SMYD3: variants seen among roughly 807,000 people sequenced by gnomAD.
SMYD3 encodes the protein SET and MYND domain containing 3, also known as histone-lysine N-methyltransferase SMYD3.
A neutral mutation model predicts 57.7 loss-of-function variants in SMYD3; 36 were observed. The ratio of observed to expected loss-of-function variants is 0.62; its 90% CI spans 0.48 to 0.82. The LOEUF (loss-of-function observed/expected upper bound fraction) is 0.82. SMYD3 is among the 40% of genes least tolerant of loss of function. The probability of loss-of-function intolerance (pLI) is 0.00; values close to 1 mark genes in which losing one functional copy is unlikely to be tolerated. For synonymous variants in SMYD3, 211 were observed against 195.0 expected (o/e 1.08, Z -0.68); for missense variants, 515 against 538.8 (o/e 0.96, Z 0.44).
chr1:246,097,908 A>C (rs1319714362), intron 5 of SMYD3, among the ~76,000 whole-genome samples: 1 of 152,182 alleles, frequency 6.6e-6, no homozygotes, highest in East Asian at 1.9e-4. Flanking sequence ...GTGGTGTCAG[A>C]AGTTTAGTTT....
chr1:246,121,291 C>G (rs1051876782), intron 5 of SMYD3, among the ~76,000 whole-genome samples: 5 of 151,950 alleles, frequency 3.3e-5, no homozygotes, highest in South Asian at 2.1e-4. Context: ...GAAGTTATTC[C>G]CTGTCTTGCA....
chr1:246,396,883 A>G (rs2066682859), intron 1 of SMYD3, among the ~76,000 whole-genome samples: 1 of 152,220 alleles, frequency 6.6e-6, no homozygotes, highest in African/African-American at 2.4e-5. Context: ...CCAGTCTCCC[A>G]TGTGTCTTTA....
chr1:246,494,912 C>G (rs1449035366), intron 1 of SMYD3, among the ~76,000 whole-genome samples: 3 of 152,096 alleles, frequency 2.0e-5, no homozygotes, highest in African/African-American at 7.2e-5. Flanking sequence ...ATATTATAAG[C>G]AGTTGGACTA....
chr1:246,464,091 T>A (rs1043148641), intron 1 of SMYD3, among the ~76,000 whole-genome samples: 2 of 152,108 alleles, frequency 1.3e-5, no homozygotes, highest in Admixed American at 6.6e-5. Context: ...GAAGAAGAGA[T>A]GGTACAGTAG....
intron 1 of SMYD3, among the ~76,000 whole-genome samples, chr1:246,446,901 T>C (rs768857540): frequency 1.3e-5 from 2 of 151,926 alleles, no homozygotes; most frequent in Non-Finnish European, 2.9e-5. Flanking sequence ...TGCTAGCACA[T>C]GCCTGTAATC....
At chr1:245,797,778 C>T (rs2047605895) in intron 10 of SMYD3, among the ~76,000 whole-genome samples, 1 of 143,540 alleles carries the variant, frequency 7.0e-6, no homozygotes, top group Admixed American at 7.2e-5. Context: ...CCCTACTGGC[C>T]GGTTTTCAAA....
intron 1 of SMYD3, among the ~76,000 whole-genome samples, chr1:246,451,467 T>C (rs546709583): frequency 2.0e-5 from 3 of 152,308 alleles, no homozygotes; most frequent in Admixed American, 1.3e-4. Flanking sequence ...GGATCAGTGA[T>C]GACCAGGAGC....
In SMYD3 at chr1:246,351,969, C is replaced by G. The variant is rs566806520; in HGVS notation, c.228+3062G>C. On this transcript the variant is annotated intron_variant, in intron 2 of 11. Coordinates refer to ENST00000490107, the MANE Select transcript of SMYD3 (RefSeq NM_001167740.2). Reference sequence around the variant, plus strand: ...TGGTCAACATGATGAAACCCCACCTCTACTAAAATAGAAAAAATTAGCTGG... The same window carrying G: ...TGGTCAACATGATGAAACCCCACCTGTACTAAAATAGAAAAAATTAGCTGG... 4.1e-4 allele frequency among the ~76,000 whole-genome samples: 63 copies of G among 151,868 alleles called. No homozygotes were observed. In the Middle Eastern group the frequency reaches 0.01, roughly 25 times the overall value.
At position 246,458,652 on chromosome 1, in the gene SMYD3, G is replaced by C. The variant is rs1452626572; in HGVS notation, c.164+48402C>G. 5.7e-5 allele frequency among the ~76,000 whole-genome samples: 6 copies of C among 104,734 alleles called. No individual in the cohort carries two copies. The Admixed American group carries it at 6.0e-4, about 10-fold the overall frequency. The allele number at this position is 104,734 out of a possible 152,430, so 68.7% of individuals were successfully genotyped here. ...TTTTTTTTTTTTTGTATTTTTAGTA[G>C]AGACGGGGTTTCATTATGTTAGCCA... is the stretch of plus-strand genomic sequence containing the variant. On this transcript the variant is annotated intron_variant, in intron 1 of 11. Transcript: ENST00000490107.
At chr1:246,093,081 A>C (rs765711867) in intron 5 of SMYD3, among the ~76,000 whole-genome samples, 3 of 152,168 alleles carry the variant, frequency 2.0e-5, no homozygotes, top group Non-Finnish European at 4.4e-5. Flanking sequence ...ACCCCAGTTA[A>C]AATGGCCATT....
rs145713951 is a variant in SMYD3 at position 245,920,125 on chromosome 1, A to G, written c.703-4485T>C. Among the ~76,000 whole-genome samples the G allele has an allele frequency of 5.4e-3, 824 of 152,176 alleles. 5 individuals carry two copies. Among genetic ancestry groups the G allele is most frequent in the African/African-American group, 0.017 (697 of 41,512 alleles). On this transcript the variant is annotated intron_variant, in intron 7 of 11. Transcript: ENST00000490107. ...TCAGGAGATTGAGACCATCCTGGCT[A>G]ACACGGTGAAACCCCGTCTCTACTA...
chr1:246,098,984 T>G (rs2060962955), intron 5 of SMYD3, among the ~76,000 whole-genome samples: 1 of 152,194 alleles, frequency 6.6e-6, no homozygotes, highest in Admixed American at 6.5e-5. Flanking sequence ...AACAAAACAT[T>G]TCCTATTTTG....
chr1:246,050,069 C>T (rs182413203), intron 5 of SMYD3, among the ~76,000 whole-genome samples: 45 of 152,316 alleles, frequency 3.0e-4, no homozygotes, highest in Non-Finnish European at 5.1e-4. Context: ...CAACCTTTCA[C>T]GAAATACTTA....
At chr1:246,121,432 CAAAA>C (rs10646615) in intron 5 of SMYD3, among the ~76,000 whole-genome samples, 47,430 of 100,504 alleles carry the variant, frequency 0.47, 10,275 homozygotes, top group Middle Eastern at 0.6. Context: ...TTCCATTTTG[CAAAA>C]AAAAAAAAAA....
chr1:246,497,249 A>G (rs2068377932), intron 1 of SMYD3, among the ~76,000 whole-genome samples: 1 of 152,246 alleles, frequency 6.6e-6, no homozygotes, highest in African/African-American at 2.4e-5. Context: ...AAACATGGTC[A>G]TCATCAATAA....
chr1:246,301,625 T>A (rs949299671), intron 5 of SMYD3, among the ~76,000 whole-genome samples: 5 of 152,170 alleles, frequency 3.3e-5, no homozygotes, highest in African/African-American at 1.2e-4. Context: ...TTACGTGCTA[T>A]AAGGGAACAC....
chr1:246,020,764 G>C (rs1337826172), intron 5 of SMYD3, among the ~76,000 whole-genome samples: 3 of 152,134 alleles, frequency 2.0e-5, no homozygotes, highest in African/African-American at 7.2e-5. Flanking sequence ...AGTGTGAATA[G>C]GTTTTTCTAG....
Position 246,348,077 on chromosome 1 carries a change from T to TATATATATATATACACATAC in SMYD3, c.228+6953_228+6954insGTATGTGTATATATATATAT. ...AGAAAACGTTATATATATATATATATACACACACACCATCAAATACTATGA... is the reference window on the plus strand; with the variant it reads ...AGAAAACGTTATATATATATATATATATATATATATATACACATACACACACACACCATCAAATACTATGA... On this transcript the variant is annotated intron_variant, in intron 2 of 11. Coordinates refer to ENST00000490107, the MANE Select transcript of SMYD3 (RefSeq NM_001167740.2). 1.5e-3 allele frequency among the ~76,000 whole-genome samples: 132 copies of TATATATATATATACACATAC among 86,522 alleles called. 6 individuals are homozygous for TATATATATATATACACATAC. Among genetic ancestry groups the TATATATATATATACACATAC allele is most frequent in the African/African-American group, 4.8e-3 (120 of 25,036 alleles). 56.8% of individuals were successfully genotyped at this position (86,522 alleles called of 152,430 possible).
chr1:245,765,045 T>TACATAC (rs1553315997), intron 10 of SMYD3, among the ~76,000 whole-genome samples: 1 of 134,746 alleles, frequency 7.4e-6, no homozygotes, highest in Non-Finnish European at 1.6e-5. Flanking sequence ...TGGAAATGCC[T>TACATAC]ACACACACAC....
Sources: allele counts gnomAD v4.1 joint callset (sites outside exome capture counted in the v4.1 genomes callset), GRCh38; gene constraint gnomAD v4.1.1; transcripts MANE v1.5; gene names NCBI Gene and HGNC (gene_info 2026-07-23, HGNC 2026-07-21).